The following EXT1 variants were observed in gnomAD, a reference collection of about 807,000 sequenced individuals.
EXT1 encodes the protein exostosin glycosyltransferase 1, also known as exostosin-1.
EXT1 carries 20 observed loss-of-function variants against 82.5 expected under a neutral mutation model. That is an observed-to-expected ratio of 0.24 (90% CI 0.17 to 0.35). EXT1 has a LOEUF of 0.35. Among genes scored for constraint, EXT1 ranks in the 10% least tolerant of loss-of-function variants. EXT1 has a pLI of 1.00. For synonymous variants in EXT1, 348 were observed against 350.8 expected (o/e 0.99, Z 0.09); for missense variants, 757 against 936.5 (o/e 0.81, Z 2.50).
intron 1 of EXT1, among the ~76,000 whole-genome samples, chr8:117,853,935 C>A (rs1237994735): frequency 6.6e-6 from 1 of 152,230 alleles, no homozygotes; most frequent in Non-Finnish European, 1.5e-5. Context: ...AAAGAGGCAG[C>A]CTTATGATGA....
chr8:118,111,681 G>A lies in EXT1; in HGVS notation c.-635C>T, dbSNP rs188740055. The A allele has an allele frequency of 0.011, 3,158 of 283,276 alleles. 79 individuals are homozygous for A. The highest frequency in any genetic ancestry group is 0.064 in the African/African-American group (2,887 of 45,090). The allele number at this position is 283,276 out of a possible 1,614,324, so 17.5% of individuals were successfully genotyped here. ...CTCGCGGGGCCGGCCCCCGGGACGCGCGGCGGCCCGGCTGGAGGCGGCGGC... is the reference window on the plus strand; with the variant it reads ...CTCGCGGGGCCGGCCCCCGGGACGCACGGCGGCCCGGCTGGAGGCGGCGGC... On this transcript the variant is annotated 5_prime_UTR_variant, in exon 1 of 11. Transcript: ENST00000378204.
intron 1 of EXT1, among the ~76,000 whole-genome samples, chr8:117,978,880 C>T (rs1815123971): frequency 6.6e-6 from 1 of 152,132 alleles, no homozygotes; most frequent in Admixed American, 6.6e-5. Context: ...TCCCTCTGAC[C>T]TTGTAATGGA....
chr8:117,882,946 C>T (rs751762746), intron 1 of EXT1, among the ~76,000 whole-genome samples: 11 of 148,180 alleles, frequency 7.4e-5, no homozygotes, highest in Non-Finnish European at 1.5e-4. Context: ...CACTGCACTC[C>T]GGCCTGGGCG....
At chr8:118,090,554 G>A (rs1488158901) in intron 1 of EXT1, among the ~76,000 whole-genome samples, 1 of 151,962 alleles carries the variant, frequency 6.6e-6, no homozygotes, top group Non-Finnish European at 1.5e-5. Context: ...GAGGCAGGCA[G>A]AACACCTAAG....
chr8:118,059,218 G>A (rs571178494), intron 1 of EXT1, among the ~76,000 whole-genome samples: 3 of 152,334 alleles, frequency 2.0e-5, no homozygotes, highest in African/African-American at 7.2e-5. Context: ...GCTCACGGCA[G>A]TATAGTCCTA....
At chr8:118,078,780 G>A (rs1817257243) in intron 1 of EXT1, among the ~76,000 whole-genome samples, 1 of 151,838 alleles carries the variant, frequency 6.6e-6, no homozygotes, top group African/African-American at 2.4e-5. Context: ...AAAGATTAAG[G>A]AAAACCAAGA....
At chr8:118,097,450 A>C (rs1385859918) in intron 1 of EXT1, among the ~76,000 whole-genome samples, 10 of 152,172 alleles carry the variant, frequency 6.6e-5, no homozygotes, top group Middle Eastern at 3.2e-3. Flanking sequence ...CCTTCTCAAA[A>C]AAATAAAAAT....
intron 2 of EXT1, among the ~76,000 whole-genome samples, chr8:117,836,459 A>G (rs553423456): frequency 6.6e-6 from 1 of 152,362 alleles, no homozygotes; most frequent in African/African-American, 2.4e-5. Flanking sequence ...AGAACATAGT[A>G]GCAAAGGGTC....
chr8:117,921,418 C>A (rs1813852447), intron 1 of EXT1, among the ~76,000 whole-genome samples: 1 of 152,216 alleles, frequency 6.6e-6, no homozygotes, highest in African/African-American at 2.4e-5. Flanking sequence ...GATAGAGCAA[C>A]AACAATTTTA....
At chr8:117,858,517 CA>C (rs1272026594) in intron 1 of EXT1, among the ~76,000 whole-genome samples, 1 of 151,712 alleles carries the variant, frequency 6.6e-6, no homozygotes. Flanking sequence ...ACTAAAAATA[CA>C]AAAAAGAAAA....
At chr8:117,861,245 A>C (rs1471976603) in intron 1 of EXT1, among the ~76,000 whole-genome samples, 1 of 152,244 alleles carries the variant, frequency 6.6e-6, no homozygotes, top group Non-Finnish European at 1.5e-5. Flanking sequence ...ATCCTTTGCG[A>C]AGTCCATTTA....
chr8:117,828,089 G>T (rs1189375693), intron 4 of EXT1, among the ~76,000 whole-genome samples: 3 of 151,928 alleles, frequency 2.0e-5, no homozygotes, highest in Non-Finnish European at 4.4e-5. Context: ...AGAAAAACAG[G>T]TTACAATGCA....
chr8:117,899,511 T>A (rs547040142), intron 1 of EXT1, among the ~76,000 whole-genome samples: 1 of 152,248 alleles, frequency 6.6e-6, no homozygotes, highest in Non-Finnish European at 1.5e-5. Context: ...AAAGTCACAA[T>A]GACAGCTTGC....
intron 1 of EXT1, among the ~76,000 whole-genome samples, chr8:118,058,710 A>G (rs907236998): frequency 6.6e-6 from 1 of 152,194 alleles, no homozygotes; most frequent in Non-Finnish European, 1.5e-5. Flanking sequence ...AACATGATAT[A>G]GATTAAATAG....
intron 1 of EXT1, among the ~76,000 whole-genome samples, chr8:117,847,820 C>G (rs1372952021): frequency 1.3e-5 from 2 of 152,198 alleles, no homozygotes; most frequent in African/African-American, 2.4e-5. Context: ...GAGTCTGTCC[C>G]GTGACCTGCA....
intron 1 of EXT1, among the ~76,000 whole-genome samples, chr8:118,039,922 A>C (rs1233764928): frequency 6.6e-6 from 1 of 152,206 alleles, no homozygotes; most frequent in Non-Finnish European, 1.5e-5. Context: ...AAGCATTTTG[A>C]CTTTGAATTT....
chr8:118,081,984 G>T (rs914959820), intron 1 of EXT1, among the ~76,000 whole-genome samples: 10 of 152,114 alleles, frequency 6.6e-5, no homozygotes, highest in Non-Finnish European at 1.2e-4. Context: ...AACTGCTGGG[G>T]GAAACAAGAG....
chr8:118,012,504 G>C (rs1815921710), intron 1 of EXT1, among the ~76,000 whole-genome samples: 1 of 152,218 alleles, frequency 6.6e-6, no homozygotes, highest in South Asian at 2.1e-4. Flanking sequence ...CGACAAGGCA[G>C]TCTCTAGGAC....
In EXT1 at chr8:117,804,892, A is replaced by G; in HGVS notation, c.1885T>C (p.Tyr629His). Residue 629 changes from tyrosine (Y) to histidine (H), a missense_variant and splice_region_variant, in exon 10 of 11, where the codon TAT becomes CAT. Physicochemically the swap from Tyr to His is moderately conservative, Grantham distance 83. Around this residue, in one of 4 missense-constraint regions of EXT1, gnomAD observed 128 missense variants for 223.2 expected, o/e 0.57. Transcript: ENST00000378204. ...TAATGGGAGTATAGGTAGTGATAAT[A>G]TCTGTAAAAATCAAAGATGGGTTTC... ...VLTGAAIYHK[Y>H]YHYLYSHYLP... The G allele has an allele frequency of 6.2e-7, 1 of 1,614,002 alleles. No homozygotes were observed.
Sources: allele counts gnomAD v4.1 joint callset (sites outside exome capture counted in the v4.1 genomes callset), GRCh38; gene constraint gnomAD v4.1.1; regional missense constraint gnomAD v4.1.1; transcripts MANE v1.5; gene names NCBI Gene and HGNC (gene_info 2026-07-23, HGNC 2026-07-21).